Variants in MTUS2 observed in about 807,000 individuals in gnomAD.
MTUS2 encodes microtubule-associated tumor suppressor candidate 2.
Under a neutral mutation model 114.1 loss-of-function variants are expected in MTUS2, and 40 were observed. That is an observed-to-expected ratio of 0.35 (90% confidence interval 0.27 to 0.46). The LOEUF is 0.46. Among genes scored for constraint, MTUS2 ranks in the 20% least tolerant of loss-of-function variants. MTUS2 has a pLI of 1.00. For missense variants in MTUS2, 1,679 were observed against 1,705.4 expected (o/e 0.98, Z 0.27); for synonymous variants, 688 against 672.0 (o/e 1.02, Z -0.37).
chr13:28,830,448 G>A (rs960698355), intron 1 of MTUS2, among the ~76,000 whole-genome samples: 8 of 151,766 alleles, frequency 5.3e-5, no homozygotes, highest in Non-Finnish European at 1.0e-4. Context: ...AATAAAGGGG[G>A]AAATTGTTAA....
intron 7 of MTUS2, among the ~76,000 whole-genome samples, chr13:29,340,066 G>A (rs748647704): frequency 2.0e-5 from 3 of 152,248 alleles, no homozygotes; most frequent in African/African-American, 4.8e-5. Flanking sequence ...CAGAAAGCGC[G>A]CAAAGCATCG....
intron 9 of MTUS2, among the ~76,000 whole-genome samples, chr13:29,467,630 T>G (rs1879981245): frequency 6.6e-6 from 1 of 152,176 alleles, no homozygotes; most frequent in Non-Finnish European, 1.5e-5. Flanking sequence ...GGACAGCATT[T>G]TTTTTTCTTT....
intron 2 of MTUS2, among the ~76,000 whole-genome samples, chr13:28,922,165 G>A (rs537337110): frequency 6.6e-6 from 1 of 152,272 alleles, no homozygotes; most frequent in Non-Finnish European, 1.5e-5. Flanking sequence ...CTGCTGCCAT[G>A]TGAAGATGTG....
chr13:29,397,975 A>G (rs1874030671), intron 8 of MTUS2, among the ~76,000 whole-genome samples: 1 of 152,220 alleles, frequency 6.6e-6, no homozygotes, highest in Non-Finnish European at 1.5e-5. Flanking sequence ...ATTGACATGT[A>G]TGTTTTTCCA....
At chr13:29,262,570 TA>T (rs34929267) in intron 5 of MTUS2, among the ~76,000 whole-genome samples, 53,288 of 143,362 alleles carry the variant, frequency 0.37, 9,456 homozygotes, top group East Asian at 0.53. Context: ...GTGATTAGTG[TA>T]AAAAAAAAAA....
intron 5 of MTUS2, among the ~76,000 whole-genome samples, chr13:29,185,344 G>T (rs535234624): frequency 1.3e-5 from 2 of 151,902 alleles, no homozygotes; most frequent in Admixed American, 6.5e-5. Flanking sequence ...AGGAGAAAAA[G>T]AAAGGAACAG....
chr13:28,893,999 G>A (rs1395601597), intron 2 of MTUS2, among the ~76,000 whole-genome samples: 1 of 151,990 alleles, frequency 6.6e-6, no homozygotes, highest in Non-Finnish European at 1.5e-5. Context: ...CACATAGAGT[G>A]AGTTTGTTGT....
chr13:28,992,011 C>T (rs779042590), intron 2 of MTUS2, among the ~76,000 whole-genome samples: 3 of 152,226 alleles, frequency 2.0e-5, no homozygotes, highest in Non-Finnish European at 2.9e-5. Context: ...GAGCAGCCAG[C>T]ACAGAGCCTG....
At chr13:29,376,731 T>C (rs1446413722) in intron 8 of MTUS2, among the ~76,000 whole-genome samples, 3 of 152,168 alleles carry the variant, frequency 2.0e-5, no homozygotes, top group South Asian at 2.1e-4. Context: ...TAAAATGTTA[T>C]ATAGTACACA....
At chr13:29,138,888 G>GTAT (rs1892098002) in intron 5 of MTUS2, among the ~76,000 whole-genome samples, 1 of 151,990 alleles carries the variant, frequency 6.6e-6, no homozygotes, top group Non-Finnish European at 1.5e-5. Flanking sequence ...ATTTAATAAG[G>GTAT]TATTATTATA....
At chr13:29,135,932 G>GA (rs1298111152) in intron 5 of MTUS2, among the ~76,000 whole-genome samples, 1 of 152,006 alleles carries the variant, frequency 6.6e-6, no homozygotes, top group Non-Finnish European at 1.5e-5. Context: ...AAATATGTAG[G>GA]AAAAAATGAG....
At chr13:29,126,103 T>G (rs1195768551) in intron 5 of MTUS2, among the ~76,000 whole-genome samples, 1 of 152,212 alleles carries the variant, frequency 6.6e-6, no homozygotes, top group African/African-American at 2.4e-5. Flanking sequence ...TGAACTACTT[T>G]GACACGCATT....
chr13:29,177,448 C>T (rs767049838), intron 5 of MTUS2, among the ~76,000 whole-genome samples: 4 of 151,110 alleles, frequency 2.6e-5, no homozygotes, highest in Non-Finnish European at 5.9e-5. Context: ...TCAAGTTTTA[C>T]CTGTGAAAGT....
At chr13:29,478,367 T>TA (rs1880865918) in intron 9 of MTUS2, among the ~76,000 whole-genome samples, 1 of 152,176 alleles carries the variant, frequency 6.6e-6, no homozygotes, top group South Asian at 2.1e-4. Flanking sequence ...CATGGGGAGA[T>TA]ATGAGGTTCA....
intron 5 of MTUS2, among the ~76,000 whole-genome samples, chr13:29,218,085 C>G (rs1031319723): frequency 7.2e-5 from 11 of 151,930 alleles, no homozygotes; most frequent in Non-Finnish European, 1.5e-4. Flanking sequence ...CCGTCATACT[C>G]CAGCCTGAAC....
intron 2 of MTUS2, among the ~76,000 whole-genome samples, chr13:28,903,349 G>T (rs2137969176): frequency 6.6e-6 from 1 of 151,290 alleles, no homozygotes; most frequent in African/African-American, 2.4e-5. Flanking sequence ...TGCCATGTTG[G>T]TGTGCTGCAC....
chr13:28,901,347 A>G (rs1240940286), intron 2 of MTUS2, among the ~76,000 whole-genome samples: 2 of 152,164 alleles, frequency 1.3e-5, no homozygotes, highest in Non-Finnish European at 2.9e-5. Flanking sequence ...TCTTTCACTG[A>G]GCAAAACTTT....
At chr13:29,391,126 G>A (rs1873426158) in intron 8 of MTUS2, among the ~76,000 whole-genome samples, 1 of 151,962 alleles carries the variant, frequency 6.6e-6, no homozygotes, top group Admixed American at 6.6e-5. Flanking sequence ...GTCTCACTCT[G>A]TCACCCAGGC....
Position 29,380,852 on chromosome 13 carries a change from C to G in MTUS2, c.3117+21379C>G. ...AATGGCGTGAACCCGGGAAGTGGAG[C>G]TTGCAGTGAGCCGAGATTGCGCCAC... On this transcript the variant is annotated intron_variant, in intron 8 of 15. Transcript: ENST00000612955. Among the ~76,000 whole-genome samples the G allele has an allele frequency of 1.0e-4, 2 of 19,662 alleles. 1 individual carries two copies. Among genetic ancestry groups the G allele is most frequent in the Non-Finnish European group, 5.0e-4 (2 of 3,984 alleles). 12.9% of individuals were successfully genotyped at this position (19,662 alleles called of 152,430 possible).
Sources: allele counts gnomAD v4.1 joint callset (sites outside exome capture counted in the v4.1 genomes callset), GRCh38; gene constraint gnomAD v4.1.1; transcripts MANE v1.5; gene names NCBI Gene and HGNC (gene_info 2026-07-23, HGNC 2026-07-21).